The following KHDRBS2 variants were observed in gnomAD, a reference collection of about 807,000 sequenced individuals.
KHDRBS2 encodes KH domain-containing, RNA-binding, signal transduction-associated protein 2.
A neutral mutation model predicts 44.3 loss-of-function variants in KHDRBS2; 26 were observed. That is an observed-to-expected ratio of 0.59 (90% CI 0.43 to 0.81). The LOEUF (loss-of-function observed/expected upper bound fraction) is 0.81, where lower values mean the gene tolerates loss of function less well. KHDRBS2 is among the 40% of genes least tolerant of loss of function. The pLI, the probability that KHDRBS2 is intolerant of heterozygous loss-of-function variation, is 0.00. For missense variants in KHDRBS2, 476 were observed against 433.1 expected (o/e 1.10, Z -0.88); for synonymous variants, 194 against 151.1 (o/e 1.28, Z -2.08).
chr6:62,233,677 C>G (rs1298089866), intron 1 of KHDRBS2, among the ~76,000 whole-genome samples: 1 of 151,994 alleles, frequency 6.6e-6, no homozygotes, highest in Non-Finnish European at 1.5e-5. Flanking sequence ...GTATGTTGTT[C>G]CCCTCTATGT....
chr6:61,607,900 C>T, the KHDRBS2 span, among the ~76,000 whole-genome samples: 1 of 152,134 alleles, frequency 6.6e-6, no homozygotes, highest in Admixed American at 6.5e-5. Context: ...GTTGGCCAGG[C>T]TGGTCTCAAA....
At position 61,696,447 on chromosome 6, in the gene KHDRBS2, C is replaced by T. The variant is rs1459297751; in HGVS notation, c.952+748G>A. ...ATTTGTTTTGTATTTTTGGTAGAGA[C>T]GGGGTTTCACCATGTTGGCCAAGAT... On this transcript the variant is annotated intron_variant, in intron 8 of 8. Coordinates refer to ENST00000281156, the MANE Select transcript of KHDRBS2 (RefSeq NM_152688.4). Among the ~76,000 whole-genome samples, 17 of 151,604 alleles carry T rather than the reference C, an allele frequency of 1.1e-4. 1 individual carries two copies. Among genetic ancestry groups the T allele is most frequent in the East Asian group, 2.0e-4 (1 of 5,104 alleles).
the KHDRBS2 span, among the ~76,000 whole-genome samples, chr6:61,609,139 C>T: frequency 2.7e-4 from 41 of 152,250 alleles, no homozygotes; most frequent in South Asian, 2.3e-3. Flanking sequence ...AGGTGGATCA[C>T]TTGAGGTCAG....
intron 2 of KHDRBS2, among the ~76,000 whole-genome samples, chr6:62,057,433 T>C (rs1584407597): frequency 6.6e-6 from 1 of 152,104 alleles, no homozygotes; most frequent in South Asian, 2.1e-4. Flanking sequence ...TAAGATAAAC[T>C]GAAACTAGTC....
intron 2 of KHDRBS2, among the ~76,000 whole-genome samples, chr6:62,078,384 G>A (rs1796743471): frequency 6.6e-6 from 1 of 151,938 alleles, no homozygotes; most frequent in Admixed American, 6.6e-5. Flanking sequence ...GGCTTTATCA[G>A]AGAGGATAAC....
At chr6:62,253,938 AT>A (rs1309846490) in intron 1 of KHDRBS2, among the ~76,000 whole-genome samples, 1 of 151,916 alleles carries the variant, frequency 6.6e-6, no homozygotes, top group East Asian at 1.9e-4. Flanking sequence ...TTCTTCTTTT[AT>A]TTGAGGAATT....
chr6:62,086,848 C>T (rs949107400), intron 2 of KHDRBS2, among the ~76,000 whole-genome samples: 6 of 151,762 alleles, frequency 4.0e-5, no homozygotes, highest in African/African-American at 1.5e-4. Flanking sequence ...AGCCACTATA[C>T]CCTCTCCAAA....
intron 6 of KHDRBS2, among the ~76,000 whole-genome samples, chr6:61,782,744 CACACATAT>C (rs1181178120): frequency 1.5e-5 from 2 of 130,840 alleles, no homozygotes; most frequent in African/African-American, 5.7e-5. Flanking sequence ...TATATACACA[CACACATAT>C]ACATATACAT....
the KHDRBS2 span, among the ~76,000 whole-genome samples, chr6:61,590,037 G>T: frequency 6.6e-6 from 1 of 152,018 alleles, no homozygotes; most frequent in East Asian, 1.9e-4. Context: ...AGAGGCATCT[G>T]CTGGTAAAAA....
chr6:61,792,032 T>C (rs534007534), intron 6 of KHDRBS2, among the ~76,000 whole-genome samples: 24 of 151,620 alleles, frequency 1.6e-4, no homozygotes, highest in Admixed American at 1.2e-3. Flanking sequence ...TTTTAATGTT[T>C]TGCTTCCTGC....
chr6:61,679,922 C>T (rs1179038431), downstream of KHDRBS2: 2 of 151,888 alleles, frequency 1.3e-5, no homozygotes, highest in Non-Finnish European at 2.9e-5. Flanking sequence ...GCAAACAAGT[C>T]AATCAGAATT....
At chr6:62,281,157 C>CAATCT (rs74278652) in intron 1 of KHDRBS2, among the ~76,000 whole-genome samples, 34,274 of 151,838 alleles carry the variant, frequency 0.23, 5,290 homozygotes, top group African/African-American at 0.45. Flanking sequence ...TTAAAACCCT[C>CAATCT]AATCTAATCC....
chr6:61,940,187 T>C (rs1258872847), intron 4 of KHDRBS2, among the ~76,000 whole-genome samples: 2 of 151,686 alleles, frequency 1.3e-5, no homozygotes, highest in Non-Finnish European at 2.9e-5. Context: ...ATATCAGAAA[T>C]ATATAAATTG....
intron 6 of KHDRBS2, among the ~76,000 whole-genome samples, chr6:61,826,529 T>G (rs1790890031): frequency 6.6e-6 from 1 of 152,060 alleles, no homozygotes; most frequent in Non-Finnish European, 1.5e-5. Context: ...GTTACTGGCT[T>G]CTGGCTACTT....
intron 6 of KHDRBS2, among the ~76,000 whole-genome samples, chr6:61,854,323 A>T (rs1006424740): frequency 2.0e-5 from 3 of 152,182 alleles, no homozygotes; most frequent in Non-Finnish European, 4.4e-5. Flanking sequence ...TTATAACTTA[A>T]CTATTGCATT....
the KHDRBS2 span, among the ~76,000 whole-genome samples, chr6:61,626,857 T>TTC: frequency 6.6e-6 from 1 of 152,166 alleles, no homozygotes; most frequent in Non-Finnish European, 1.5e-5. Context: ...TAGTCTTCAT[T>TTC]TCTCTCTCTC....
intron 3 of KHDRBS2, among the ~76,000 whole-genome samples, chr6:61,996,929 C>G (rs1196993131): frequency 2.6e-5 from 4 of 151,856 alleles, no homozygotes; most frequent in African/African-American, 9.7e-5. Flanking sequence ...ATTACAAGTG[C>G]CTGCCACTAT....
intron 2 of KHDRBS2, among the ~76,000 whole-genome samples, chr6:62,116,668 T>C (rs1321915712): frequency 1.3e-5 from 2 of 152,160 alleles, no homozygotes; most frequent in Non-Finnish European, 2.9e-5. Flanking sequence ...TTTTTAACTA[T>C]CATCTCCCTA....
At chr6:62,206,818 G>A (rs1231124433) in intron 1 of KHDRBS2, among the ~76,000 whole-genome samples, 3 of 152,074 alleles carry the variant, frequency 2.0e-5, no homozygotes, top group Non-Finnish European at 4.4e-5. Context: ...GGGGACAGAA[G>A]CTAAAGAATA....
Sources: gnomAD v4.1 joint callset for allele counts (sites outside exome capture counted in the v4.1 genomes callset) on GRCh38, gnomAD v4.1.1 for gene constraint, MANE v1.5 for transcripts, NCBI Gene and HGNC (gene_info 2026-07-23, HGNC 2026-07-21) for gene names.